OR3A2: variants seen among roughly 807,000 people sequenced by gnomAD.
OR3A2 encodes the protein olfactory receptor 3A2.
For synonymous variants in OR3A2, 126 were observed against 159.3 expected, an observed-to-expected ratio of 0.79 and a Z score of 1.57; for missense variants, 318 against 392.8, an observed-to-expected ratio of 0.81 and a Z score of 1.61.
At chr17:3,378,509 C>T (rs1396936371) in intron 2 of OR3A2, among the ~76,000 whole-genome samples, 2 of 152,162 alleles carry the variant, frequency 1.3e-5, no homozygotes, top group East Asian at 3.9e-4. Flanking sequence ...GGTCCAGAGC[C>T]ACGGCTGGGC....
exon 2 of OR3A2, chr17:3,278,135 G>A (rs376857057): frequency 6.2e-7 from 1 of 1,614,232 alleles, no homozygotes; most frequent in Non-Finnish European, 8.5e-7. Context: ...GTCTCATGTA[G>A]TTGAAGATAC....
intron 3 of OR3A2, among the ~76,000 whole-genome samples, chr17:3,327,483 A>C (rs2049186286): frequency 7.5e-6 from 1 of 133,126 alleles, no homozygotes; most frequent in South Asian, 2.7e-4. Context: ...TAGGTTGCAA[A>C]AGTTTTCTCC....
chr17:3,308,515 C>T (rs2049015246), intron 3 of OR3A2, among the ~76,000 whole-genome samples: 1 of 152,136 alleles, frequency 6.6e-6, no homozygotes, highest in African/African-American at 2.4e-5. Context: ...GATTTGGGTG[C>T]TTCAATGTGC....
intron 3 of OR3A2, among the ~76,000 whole-genome samples, chr17:3,332,470 G>GC (rs1280600535): frequency 6.6e-6 from 1 of 152,216 alleles, no homozygotes; most frequent in Non-Finnish European, 1.5e-5. Flanking sequence ...TTTTCCAGGT[G>GC]CGTCCGTCAC....
chr17:3,352,493 C>T (rs572596649), intron 2 of OR3A2, among the ~76,000 whole-genome samples: 3 of 151,868 alleles, frequency 2.0e-5, no homozygotes, highest in Non-Finnish European at 4.4e-5. Context: ...TTTCCCAACA[C>T]CATTTGTTAA....
intron 2 of OR3A2, among the ~76,000 whole-genome samples, chr17:3,345,548 C>T (rs898597323): frequency 1.3e-5 from 2 of 151,722 alleles, no homozygotes; most frequent in African/African-American, 2.4e-5. Context: ...AAGAAGAGCC[C>T]ATAAAAAGAA....
At chr17:3,383,659 G>C (rs230409) in intron 2 of OR3A2, 5,981 of 152,280 alleles carry the variant, frequency 0.039, 186 homozygotes, top group Middle Eastern at 0.088. Context: ...GGGGTGCCAA[G>C]GTCCTGGCTC....
At chr17:3,350,340 A>C (rs1208206653) in intron 2 of OR3A2, among the ~76,000 whole-genome samples, 10 of 149,784 alleles carry the variant, frequency 6.7e-5, no homozygotes, top group Non-Finnish European at 1.1e-4. Context: ...ATAAAAAATG[A>C]TAAAGGGGAT....
intron 2 of OR3A2, among the ~76,000 whole-genome samples, chr17:3,340,246 G>GT (rs1415593671): frequency 2.6e-5 from 4 of 151,958 alleles, no homozygotes; most frequent in East Asian, 1.9e-4. Context: ...TTTTTGAAGG[G>GT]TTTTTTGTGT....
intron 3 of OR3A2, among the ~76,000 whole-genome samples, chr17:3,296,011 A>G (rs1271929880): frequency 6.6e-6 from 1 of 152,174 alleles, no homozygotes; most frequent in Non-Finnish European, 1.5e-5. Flanking sequence ...AATAAAGGCG[A>G]TAAAAACCTC....
At chr17:3,308,626 T>C (rs912346047) in intron 3 of OR3A2, among the ~76,000 whole-genome samples, 9 of 152,024 alleles carry the variant, frequency 5.9e-5, no homozygotes, top group South Asian at 2.1e-4. Flanking sequence ...CCAAAGCAGA[T>C]TGAGATTGAA....
At chr17:3,325,501 C>A (rs1365894491) in intron 3 of OR3A2, among the ~76,000 whole-genome samples, 1 of 152,026 alleles carries the variant, frequency 6.6e-6, no homozygotes, top group Admixed American at 6.6e-5. Flanking sequence ...TGAGCCACCC[C>A]ACCCTGCCTG....
At chr17:3,328,149 G>A (rs893413491) in intron 3 of OR3A2, among the ~76,000 whole-genome samples, 2 of 142,648 alleles carry the variant, frequency 1.4e-5, no homozygotes. Flanking sequence ...ACCTTGCGCA[G>A]TATGGCCATT....
chr17:3,297,363 T>C (rs2048927581), intron 3 of OR3A2, among the ~76,000 whole-genome samples: 1 of 152,222 alleles, frequency 6.6e-6, no homozygotes, highest in African/African-American at 2.4e-5. Context: ...TCCCATCCAC[T>C]TTAACTCAGG....
At chr17:3,385,029 TA>T (rs199954442) in intron 1 of OR3A2, among the ~76,000 whole-genome samples, 11,292 of 151,736 alleles carry the variant, frequency 0.074, 1,002 homozygotes, top group East Asian at 0.49. Flanking sequence ...CGGTCTCTAC[TA>T]AAAAAAATAC....
At chr17:3,337,368 G>A (rs562833684) in intron 2 of OR3A2, among the ~76,000 whole-genome samples, 2 of 152,170 alleles carry the variant, frequency 1.3e-5, no homozygotes, top group African/African-American at 4.8e-5. Context: ...TTGGTTTGCT[G>A]CACCCATTAA....
In OR3A2 at chr17:3,312,216, T is replaced by A. The variant is rs188932684; in HGVS notation, c.-85+23817A>T. The stretch of plus-strand genomic sequence containing the variant: ...GGAGACAAACTATTTTGTATTTTTT[T>A]AATTTAATGATTGTTCAATTGAAAC... On this transcript the variant is annotated intron_variant, in intron 3 of 4. Coordinates refer to the OR3A2 transcript ENST00000573491. Among the ~76,000 whole-genome samples, 182 of 152,314 alleles carry A rather than the reference T, an allele frequency of 1.2e-3. 1 individual carries two copies. The highest frequency in any genetic ancestry group is 4.2e-3 in the African/African-American group (175 of 41,552).
intron 3 of OR3A2, among the ~76,000 whole-genome samples, chr17:3,320,562 G>A (rs2049112485): frequency 7.6e-6 from 1 of 132,322 alleles, no homozygotes; most frequent in Non-Finnish European, 1.6e-5. Context: ...TGTATAAGGT[G>A]TAAGGAAGGG....
chr17:3,351,834 GA>G (rs768939328), intron 2 of OR3A2, among the ~76,000 whole-genome samples: 1 of 152,030 alleles, frequency 6.6e-6, no homozygotes, highest in Non-Finnish European at 1.5e-5. Context: ...CCAAAACAGA[GA>G]TATAGATCAA....
Sources: allele counts gnomAD v4.1 joint callset (sites outside exome capture counted in the v4.1 genomes callset), GRCh38; gene constraint gnomAD v4.1.1; transcripts MANE v1.5; gene names NCBI Gene and HGNC (gene_info 2026-07-23, HGNC 2026-07-21).